The following CSNK2A2IP variants were observed in gnomAD, a reference collection of about 807,000 sequenced individuals.
CSNK2A2IP encodes the protein casein kinase 2 subunit alpha' interacting protein, also known as casein kinase II subunit alpha'-interacting protein.
At chr3:88,463,253 G>GTTTTTT in the CSNK2A2IP span, among the ~76,000 whole-genome samples, 1 of 143,994 alleles carries the variant, frequency 6.9e-6, no homozygotes, top group African/African-American at 2.6e-5. Context: ...GATCACTTTA[G>GTTTTTT]TTTTTTTTTT....
the CSNK2A2IP span, among the ~76,000 whole-genome samples, chr3:88,353,771 A>G: frequency 6.6e-6 from 1 of 152,166 alleles, no homozygotes; most frequent in Non-Finnish European, 1.5e-5. Flanking sequence ...AATTTTGAGG[A>G]GTTGGTGAGA....
chr3:88,450,451 C>T, the CSNK2A2IP span, among the ~76,000 whole-genome samples: 1 of 152,074 alleles, frequency 6.6e-6, no homozygotes, highest in Admixed American at 6.6e-5. Context: ...CCCTTTCTGC[C>T]TCCTCCTGGT....
chr3:88,445,954 C>T, the CSNK2A2IP span, among the ~76,000 whole-genome samples: 13 of 126,802 alleles, frequency 1.0e-4, no homozygotes, highest in East Asian at 2.7e-3. Flanking sequence ...TTCTCTCTCT[C>T]TCTCTCCCTC....
chr3:88,394,587 T>C, the CSNK2A2IP span, among the ~76,000 whole-genome samples: 6 of 152,344 alleles, frequency 3.9e-5, no homozygotes, highest in Middle Eastern at 3.4e-3. Flanking sequence ...TTGGCTAGGC[T>C]GGTCTCGAAC....
the CSNK2A2IP span, among the ~76,000 whole-genome samples, chr3:88,364,473 T>C: frequency 6.6e-6 from 1 of 151,974 alleles, no homozygotes; most frequent in Non-Finnish European, 1.5e-5. Flanking sequence ...GACAGGAGTA[T>C]AAAAATATAA....
chr3:88,344,879 C>A, the CSNK2A2IP span, among the ~76,000 whole-genome samples: 5 of 151,938 alleles, frequency 3.3e-5, no homozygotes, highest in African/African-American at 4.8e-5. Context: ...CATCCCACAT[C>A]TGAAATAAAA....
At chr3:88,351,570 T>C in the CSNK2A2IP span, among the ~76,000 whole-genome samples, 3,884 of 152,136 alleles carry the variant, frequency 0.026, 104 homozygotes, top group East Asian at 0.074. Context: ...TTTGTGTAGG[T>C]AGACATTTTT....
At chr3:88,402,944 G>A in the CSNK2A2IP span, among the ~76,000 whole-genome samples, 46 of 152,116 alleles carry the variant, frequency 3.0e-4, no homozygotes, top group Non-Finnish European at 5.6e-4. Flanking sequence ...AGGTGTTTGT[G>A]AGATTGCTTC....
chr3:88,389,437 G>C, the CSNK2A2IP span, among the ~76,000 whole-genome samples: 2 of 152,164 alleles, frequency 1.3e-5, no homozygotes, highest in Non-Finnish European at 2.9e-5. Flanking sequence ...GGCAGGATGA[G>C]AGCAGAGGAA....
At chr3:88,339,805 C>T in the CSNK2A2IP span, among the ~76,000 whole-genome samples, 1 of 151,994 alleles carries the variant, frequency 6.6e-6, no homozygotes, top group Non-Finnish European at 1.5e-5. Context: ...AAAATGTTAA[C>T]CAGAGCAGCA....
chr3:88,342,109 A>G, the CSNK2A2IP span, among the ~76,000 whole-genome samples: 39 of 152,000 alleles, frequency 2.6e-4, no homozygotes, highest in African/African-American at 9.4e-4. Flanking sequence ...AGTCTGGTAT[A>G]GTAAATAATA....
chr3:88,455,858 T>C, the CSNK2A2IP span, among the ~76,000 whole-genome samples: 2 of 152,002 alleles, frequency 1.3e-5, no homozygotes, highest in African/African-American at 2.4e-5. Context: ...TAATCCATTA[T>C]GAATTAATTG....
the CSNK2A2IP span, among the ~76,000 whole-genome samples, chr3:88,400,928 T>C: frequency 3.9e-5 from 6 of 152,128 alleles, no homozygotes; most frequent in Non-Finnish European, 5.9e-5. Context: ...ATGTGATGAA[T>C]AGAAGTTAAG....
At chr3:88,440,184 A>G in the CSNK2A2IP span, among the ~76,000 whole-genome samples, 2 of 152,186 alleles carry the variant, frequency 1.3e-5, no homozygotes, top group African/African-American at 4.8e-5. Flanking sequence ...TTTCTTATAA[A>G]TATTTTTCCA....
the CSNK2A2IP span, among the ~76,000 whole-genome samples, chr3:88,354,902 C>T: frequency 6.6e-6 from 1 of 151,946 alleles, no homozygotes; most frequent in African/African-American, 2.4e-5. Flanking sequence ...GGAATGGAAG[C>T]CTAGGTATTG....
At chr3:88,359,450 C>T in the CSNK2A2IP span, among the ~76,000 whole-genome samples, 1 of 151,488 alleles carries the variant, frequency 6.6e-6, no homozygotes, top group African/African-American at 2.4e-5. Context: ...CTTAAAGATA[C>T]ATCATTTGGT....
the CSNK2A2IP span, chr3:88,466,285 C>T: frequency 1.5e-5 from 18 of 1,231,566 alleles, no homozygotes; most frequent in Admixed American, 3.0e-4. Context: ...ATATTTTGTC[C>T]ACCCATCTGA....
chr3:88,413,204 C>T, the CSNK2A2IP span, among the ~76,000 whole-genome samples: 1 of 151,936 alleles, frequency 6.6e-6, no homozygotes, highest in Non-Finnish European at 1.5e-5. Flanking sequence ...GTGTTCTTGT[C>T]AGGTATGTTT....
the CSNK2A2IP span, among the ~76,000 whole-genome samples, chr3:88,423,998 C>A: frequency 6.6e-6 from 1 of 152,154 alleles, no homozygotes; most frequent in Non-Finnish European, 1.5e-5. Context: ...AACCTGGCTC[C>A]TGTCACCATC....
Sources: gnomAD v4.1 joint callset for allele counts (sites outside exome capture counted in the v4.1 genomes callset) on GRCh38, gnomAD v4.1.1 for gene constraint, MANE v1.5 for transcripts, NCBI Gene and HGNC (gene_info 2026-07-23, HGNC 2026-07-21) for gene names.